The following PIEZO2 variants were observed in gnomAD, a reference collection of about 807,000 sequenced individuals.
PIEZO2 encodes piezo-type mechanosensitive ion channel component 2.
A neutral mutation model predicts 337.3 loss-of-function variants in PIEZO2; 172 were observed. The ratio of observed to expected loss-of-function variants is 0.51; its 90% CI spans 0.45 to 0.58. The LOEUF (loss-of-function observed/expected upper bound fraction) is 0.58. PIEZO2 is among the 20% of genes least tolerant of loss of function. The pLI is 0.00. For missense variants in PIEZO2, 3,028 were observed against 3,391.3 expected (o/e 0.89, Z 2.66); for synonymous variants, 1,251 against 1,228.5 (o/e 1.02, Z -0.38).
In PIEZO2 at chr18:10,787,100, A is replaced by C. The variant is rs1481592750; in HGVS notation, c.2254T>G (p.Tyr752Asp). Residue 752 changes from tyrosine (Y) to aspartate (D), a missense_variant, in exon 16 of 56, where the codon TAC (tyrosine) becomes GAC (aspartate). This residue lies in a region of PIEZO2 where 1,925 missense variants were observed against 2,051.9 expected (regional missense o/e 0.94). Coordinates refer to ENST00000674853, the MANE Select transcript of PIEZO2 (RefSeq NM_001378183.1). ...IYTMLVLIFI[Y>D]TYQFENFPGL... is the part of the protein sequence containing the mutation. Reference sequence around the variant, plus strand: ...GGGAAGTTCTCAAACTGATATGTGTATATAAAGATAAGCACCAGCATAGTG... The same window carrying C: ...GGGAAGTTCTCAAACTGATATGTGTCTATAAAGATAAGCACCAGCATAGTG... 2.6e-6 allele frequency: 4 copies of C among 1,535,570 alleles called. No individual in the cohort carries two copies. The highest frequency in any genetic ancestry group is 2.6e-6 in the Non-Finnish European group (3 of 1,145,640).
rs1225099427 is a variant in PIEZO2, at chr18:10,942,725, G to A, written c.287-31497C>T. Among the ~76,000 whole-genome samples the A allele has an allele frequency of 2.0e-5, 3 of 152,176 alleles. No individual in the cohort carries two copies. Among genetic ancestry groups the A allele is most frequent in the Admixed American group, 2.0e-4 (3 of 15,278 alleles). On this transcript the variant is annotated intron_variant, in intron 3 of 55. Coordinates refer to ENST00000674853, the MANE Select transcript of PIEZO2 (RefSeq NM_001378183.1). This position sits in a 1 kb window ranked among gnomAD's most constrained non-coding sequence, Gnocchi z 4.4. ...CAGAAATTTGCATAAGTAATGAAGA[G>A]CCAAATATTAATCCCCAAGACAATG...
chr18:10,742,475 G>T lies in PIEZO2; in HGVS notation c.4636+19C>A. On this transcript the variant is annotated intron_variant, in intron 32 of 55. Coordinates refer to ENST00000674853, the MANE Select transcript of PIEZO2 (RefSeq NM_001378183.1). ...ATTCAATGTTAAAACTTGAATAAGA[G>T]GAAAATGTCTTGACATACTTTCATC... The T allele has an allele frequency of 3.9e-6, 6 of 1,536,950 alleles. No homozygotes were observed. The highest frequency in any genetic ancestry group is 5.2e-6 in the Non-Finnish European group (6 of 1,146,746).
chr18:10,902,098 C>G (rs1163542994), intron 4 of PIEZO2, among the ~76,000 whole-genome samples: 1 of 152,146 alleles, frequency 6.6e-6, no homozygotes, highest in African/African-American at 2.4e-5. Context: ...AGCGAGAACC[C>G]TATTGTGAAC....
intron 7 of PIEZO2, among the ~76,000 whole-genome samples, chr18:10,849,289 G>T (rs1454610337): frequency 6.6e-6 from 1 of 152,206 alleles, no homozygotes; most frequent in South Asian, 2.1e-4. Flanking sequence ...TGAGATTACA[G>T]GCTTGGGCCA....
At chr18:11,025,288 CAT>C (rs141717340) in intron 2 of PIEZO2, among the ~76,000 whole-genome samples, 1,865 of 152,258 alleles carry the variant, frequency 0.012, 36 homozygotes, top group African/African-American at 0.043. Context: ...GTGAGTCATT[CAT>C]ATATGTTTCT....
At chr18:10,898,038 A>C (rs2042947897) in intron 4 of PIEZO2, among the ~76,000 whole-genome samples, 1 of 152,280 alleles carries the variant, frequency 6.6e-6, no homozygotes, top group Non-Finnish European at 1.5e-5. Flanking sequence ...TGTCTATTAA[A>C]TTAAGTGCAA....
intron 39 of PIEZO2, among the ~76,000 whole-genome samples, chr18:10,710,091 A>G (rs562978393): frequency 6.6e-6 from 1 of 152,338 alleles, no homozygotes; most frequent in African/African-American, 2.4e-5. Context: ...TCTGTATTTC[A>G]TTTAATATTT....
intron 7 of PIEZO2, among the ~76,000 whole-genome samples, chr18:10,812,049 G>A (rs2040210599): frequency 1.3e-5 from 2 of 152,202 alleles, no homozygotes; most frequent in African/African-American, 4.8e-5. Flanking sequence ...TAGCCAGGAT[G>A]GTCTCGATCT....
chr18:10,844,527 G>T (rs967141991), intron 7 of PIEZO2, among the ~76,000 whole-genome samples: 1 of 151,804 alleles, frequency 6.6e-6, no homozygotes, highest in Non-Finnish European at 1.5e-5. Flanking sequence ...GGTGGCTCAC[G>T]CCTGTAATGC....
intron 21 of PIEZO2, chr18:10,769,639 T>C (rs2038513927): frequency 6.6e-6 from 1 of 152,410 alleles, no homozygotes; most frequent in African/African-American, 2.4e-5. Flanking sequence ...AAATAATCTG[T>C]TGGCTGGATG....
chr18:10,902,146 A>T (rs1366853294), intron 4 of PIEZO2, among the ~76,000 whole-genome samples: 1 of 152,236 alleles, frequency 6.6e-6, no homozygotes, highest in Non-Finnish European at 1.5e-5. Context: ...GCTCCTTATG[A>T]GAAGCTAATG....
At position 11,097,611 on chromosome 18, in the gene PIEZO2, C is replaced by T. The variant is rs1348401849; in HGVS notation, c.65-31389G>A. ...AATCACCACCACCAAAACAAGTTGT[C>T]TTCACCTGGATGCTCCCCTTCACAT... On this transcript the variant is annotated intron_variant, in intron 1 of 55. Transcript: ENST00000674853. This position sits in a 1 kb window ranked among gnomAD's most constrained non-coding sequence, Gnocchi z 5.0. Among the ~76,000 whole-genome samples, 5 of 152,246 alleles carry T rather than the reference C, an allele frequency of 3.3e-5. No individual in the cohort carries two copies. Among genetic ancestry groups the T allele is most frequent in the African/African-American group, 1.2e-4 (5 of 41,466 alleles).
At position 10,759,815 on chromosome 18, in the gene PIEZO2, C is replaced by T. The variant is rs1302644826; in HGVS notation, c.3545G>A (p.Arg1182His). The change falls in exon 25 of 56, where the codon CGC becomes CAC. Residue 1182 changes from arginine (R) to histidine (H), a missense_variant. Arg to His is a conservative substitution (Grantham distance 29). Coordinates refer to ENST00000674853, the MANE Select transcript of PIEZO2 (RefSeq NM_001378183.1). This position sits in a 1 kb window ranked among gnomAD's most constrained non-coding sequence, Gnocchi z 5.5. Reference sequence around the variant, plus strand: ...GATCTCTGCGATGGCTTTCCTTCTGCGTCTATATAAGACAGCGATCAGCCA... The same window carrying T: ...GATCTCTGCGATGGCTTTCCTTCTGTGTCTATATAAGACAGCGATCAGCCA... ...ACWLIAVLYR[R>H]RRKAIAEIWP... 8 of 1,537,214 alleles carry T rather than the reference C, an allele frequency of 5.2e-6. No homozygotes were observed. Among genetic ancestry groups the T allele is most frequent in the East Asian group, 2.4e-5 (1 of 40,930 alleles).
intron 36 of PIEZO2, among the ~76,000 whole-genome samples, chr18:10,728,998 C>T (rs2036658079): frequency 9.1e-6 from 1 of 110,354 alleles, no homozygotes; most frequent in African/African-American, 3.1e-5. Flanking sequence ...AGGAAACCAC[C>T]TGCATACGTG....
intron 31 of PIEZO2, among the ~76,000 whole-genome samples, chr18:10,743,775 T>C (rs1471419285): frequency 6.6e-6 from 1 of 152,132 alleles, no homozygotes; most frequent in East Asian, 1.9e-4. Context: ...TAGTTTAATC[T>C]TTACAAAAAC....
At position 11,096,707 on chromosome 18, in the gene PIEZO2, G is replaced by T. The variant is rs544995309; in HGVS notation, c.65-30485C>A. Among the ~76,000 whole-genome samples the T allele has an allele frequency of 6.6e-6, 1 of 152,166 alleles. No homozygotes were observed. The highest frequency in any genetic ancestry group is 1.5e-5 in the Non-Finnish European group (1 of 68,022). On this transcript the variant is annotated intron_variant, in intron 1 of 55. Transcript: ENST00000674853. This position sits in a 1 kb window ranked among gnomAD's most constrained non-coding sequence, Gnocchi z 4.6. ...TTTCAAGGAGATATATCTAAAAACT[G>T]TGGAAGTGAAAGACATTAGGAGAGA...
intron 2 of PIEZO2, among the ~76,000 whole-genome samples, chr18:11,026,423 A>G (rs2036544029): frequency 6.6e-6 from 1 of 151,966 alleles, no homozygotes; most frequent in Non-Finnish European, 1.5e-5. Flanking sequence ...CCCTTCTGTG[A>G]CTTCCCCGTT....
rs771594056 is a variant in PIEZO2 at position 11,083,133 on chromosome 18, T to A, written c.65-16911A>T. ...TCCCATGCTAAGCATCCATCACCGTTCTCTACCTTTGCATACCTTGCCTGA... is the reference window on the plus strand; with the variant it reads ...TCCCATGCTAAGCATCCATCACCGTACTCTACCTTTGCATACCTTGCCTGA... On this transcript the variant is annotated intron_variant, in intron 1 of 55. Coordinates refer to ENST00000674853, the MANE Select transcript of PIEZO2 (RefSeq NM_001378183.1). This position sits in a 1 kb window ranked among gnomAD's most constrained non-coding sequence, Gnocchi z 4.4. 1.3e-5 allele frequency among the ~76,000 whole-genome samples: 2 copies of A among 152,184 alleles called. No individual in the cohort carries two copies. The highest frequency in any genetic ancestry group is 2.9e-5 in the Non-Finnish European group (2 of 68,024).
intron 8 of PIEZO2, among the ~76,000 whole-genome samples, chr18:10,805,069 A>G (rs958967725): frequency 7.9e-5 from 12 of 152,220 alleles, no homozygotes; most frequent in Admixed American, 6.5e-4. Flanking sequence ...TGGAAGCAGA[A>G]TATCGCATGG....
Sources: allele counts gnomAD v4.1 joint callset (sites outside exome capture counted in the v4.1 genomes callset), GRCh38; gene constraint gnomAD v4.1.1; regional missense constraint gnomAD v4.1.1; non-coding constraint Gnocchi (gnomAD v3.1); transcripts MANE v1.5; gene names NCBI Gene and HGNC (gene_info 2026-07-23, HGNC 2026-07-21).